GRIN2A: variants seen among roughly 807,000 people sequenced by gnomAD.
GRIN2A encodes the protein glutamate ionotropic receptor NMDA type subunit 2A.
In GRIN2A, 22 loss-of-function variants were observed where a neutral mutation model predicts 113.4. That is an observed-to-expected ratio of 0.19 (90% CI 0.14 to 0.28). The LOEUF is 0.28. Among genes scored for constraint, GRIN2A ranks in the 10% least tolerant of loss-of-function variants. The probability of loss-of-function intolerance (pLI) is 1.00; values close to 1 mark genes in which losing one functional copy is unlikely to be tolerated. For missense variants in GRIN2A, 1,502 were observed against 1,887.0 expected, an observed-to-expected ratio of 0.80 and a Z score of 3.78; for synonymous variants, 827 against 738.4, an observed-to-expected ratio of 1.12 and a Z score of -1.94.
At chr16:10,033,058 C>A (rs2046959066) in intron 2 of GRIN2A, among the ~76,000 whole-genome samples, 1 of 152,168 alleles carries the variant, frequency 6.6e-6, no homozygotes, top group African/African-American at 2.4e-5. Flanking sequence ...GTTTGCCCTG[C>A]ATTCCTGGGC....
chr16:9,796,706 G>A (rs1903010349), intron 11 of GRIN2A, among the ~76,000 whole-genome samples: 1 of 152,226 alleles, frequency 6.6e-6, no homozygotes, highest in Non-Finnish European at 1.5e-5. Context: ...AGAAACACGT[G>A]TGGAGCAGAG....
At chr16:10,163,930 G>T (rs937386253) in intron 2 of GRIN2A, among the ~76,000 whole-genome samples, 2 of 152,176 alleles carry the variant, frequency 1.3e-5, no homozygotes, top group African/African-American at 4.8e-5. Flanking sequence ...TGGTTATAGA[G>T]AATAGCCACA....
rs1900392475 is a variant in GRIN2A at position 9,757,379 on chromosome 16, AG to A, written c.*5769del. On this transcript the variant is annotated 3_prime_UTR_variant, in exon 13 of 13. Coordinates refer to ENST00000330684, the MANE Select transcript of GRIN2A (RefSeq NM_001134407.3). The stretch of plus-strand genomic sequence containing the variant: ...AGGACTTTTTTTTTTTTTTTAAAAA[AG>A]GTATGCTCATAGAATCAGATTATTT... The A allele has an allele frequency of 4.4e-6, 1 of 224,792 alleles. No individual in the cohort carries two copies. Among genetic ancestry groups the A allele is most frequent in the Non-Finnish European group, 8.8e-6 (1 of 113,034 alleles). The allele number at this position is 224,792 out of a possible 1,614,324, so 13.9% of individuals were successfully genotyped here.
At chr16:9,913,512 T>A (rs2044184611) in intron 3 of GRIN2A, among the ~76,000 whole-genome samples, 1 of 152,198 alleles carries the variant, frequency 6.6e-6, no homozygotes, top group Non-Finnish European at 1.5e-5. Flanking sequence ...TATATAGAAA[T>A]AATTAATAAT....
intron 2 of GRIN2A, among the ~76,000 whole-genome samples, chr16:9,962,561 A>T (rs1488356081): frequency 6.6e-6 from 1 of 152,152 alleles, no homozygotes; most frequent in African/African-American, 2.4e-5. Flanking sequence ...AACCACAATG[A>T]GATACCATCT....
chr16:10,051,307 A>C (rs549168155), intron 2 of GRIN2A, among the ~76,000 whole-genome samples: 126 of 152,282 alleles, frequency 8.3e-4, no homozygotes, highest in Middle Eastern at 6.8e-3. Flanking sequence ...CAGTTGTAAA[A>C]GTGCACAGAC....
At position 9,954,662 on chromosome 16, in the gene GRIN2A, G is replaced by A. The variant is rs192034839; in HGVS notation, c.415-16111C>T. Among the ~76,000 whole-genome samples the A allele has an allele frequency of 1.4e-4, 22 of 152,184 alleles. No individual in the cohort carries two copies. The South Asian group carries it at 3.5e-3, about 24-fold the overall frequency. On this transcript the variant is annotated intron_variant, in intron 2 of 12. Coordinates refer to ENST00000330684, the MANE Select transcript of GRIN2A (RefSeq NM_001134407.3). ...TCTCTCCATTTTTCAATCCCTTGCC[G>A]AGCAAAATTTTCAGGCCACAAATTA...
chr16:10,030,949 C>T (rs533710608), intron 2 of GRIN2A, among the ~76,000 whole-genome samples: 24 of 152,274 alleles, frequency 1.6e-4, no homozygotes, highest in African/African-American at 5.8e-4. Context: ...TTTGGTATGT[C>T]TCATGCACCA....
intron 3 of GRIN2A, among the ~76,000 whole-genome samples, chr16:9,900,333 T>A (rs992576722): frequency 6.6e-6 from 1 of 152,202 alleles, no homozygotes; most frequent in Non-Finnish European, 1.5e-5. Flanking sequence ...TACTGGTAGA[T>A]GAAGCTTCTA....
At chr16:9,772,539 T>G (rs1423005728) in intron 11 of GRIN2A, among the ~76,000 whole-genome samples, 3 of 152,130 alleles carry the variant, frequency 2.0e-5, no homozygotes, top group Non-Finnish European at 2.9e-5. Flanking sequence ...GCTGTGCTAA[T>G]TTTTTGTATT....
intron 2 of GRIN2A, among the ~76,000 whole-genome samples, chr16:10,012,138 G>A (rs1439930790): frequency 6.6e-6 from 1 of 152,128 alleles, no homozygotes; most frequent in African/African-American, 2.4e-5. Flanking sequence ...TTTACAATCT[G>A]AAATGTTTTC....
chr16:10,096,593 A>G (rs1375883187), intron 2 of GRIN2A, among the ~76,000 whole-genome samples: 1 of 133,018 alleles, frequency 7.5e-6, no homozygotes, highest in East Asian at 2.1e-4. Flanking sequence ...TTGGCCGGTC[A>G]GCATAGACTT....
At chr16:9,924,795 C>A (rs907909386) in intron 3 of GRIN2A, among the ~76,000 whole-genome samples, 1 of 152,036 alleles carries the variant, frequency 6.6e-6, no homozygotes. Context: ...AATGTCAAAC[C>A]TGCCATTAAT....
At position 10,180,340 on chromosome 16, in the gene GRIN2A, G is replaced by A. The variant is rs781722466; in HGVS notation, c.72C>T (p.Ser24=). ...ALLVWRGPAP[S]AAAEKGPPAL... ...CGGGGGGACCCTTCTCCGCCGCCGC[G>A]CTCGGCGCCGGACCGCGCCAGACCA... Residue 24 remains serine (S), a synonymous_variant, in exon 2 of 13, where the codon AGC becomes AGT. Transcript: ENST00000330684. This position sits in a 1 kb window ranked among gnomAD's most constrained non-coding sequence, Gnocchi z 7.0. The A allele has an allele frequency of 6.2e-7, 1 of 1,608,672 alleles. No homozygotes were observed.
intron 12 of GRIN2A, among the ~76,000 whole-genome samples, chr16:9,765,902 C>T (rs1273192626): frequency 6.6e-6 from 1 of 152,192 alleles, no homozygotes; most frequent in Non-Finnish European, 1.5e-5. Context: ...CAAGCACCTC[C>T]ATCTATATGT....
At chr16:9,834,634 G>A (rs1201226265) in intron 7 of GRIN2A, among the ~76,000 whole-genome samples, 2 of 152,044 alleles carry the variant, frequency 1.3e-5, no homozygotes, top group Non-Finnish European at 2.9e-5. Flanking sequence ...TGCCCACCTC[G>A]GCCTCCCAAA....
Position 9,924,139 on chromosome 16 carries a change from A to C in GRIN2A, c.1007+13820T>G, listed in dbSNP as rs941394517. Among the ~76,000 whole-genome samples the C allele has an allele frequency of 1.3e-3, 194 of 150,552 alleles. 2 individuals carry two copies. Among genetic ancestry groups the C allele is most frequent in the South Asian group, 2.3e-3 (11 of 4,804 alleles). On this transcript the variant is annotated intron_variant, in intron 3 of 12. Coordinates refer to ENST00000330684, the MANE Select transcript of GRIN2A (RefSeq NM_001134407.3). ...AAAAAAAAAAAAAAAAAAAAAAAAA[A>C]CAAAAACCTCATGCGTTTAACAATC...
intron 2 of GRIN2A, among the ~76,000 whole-genome samples, chr16:10,082,037 C>G (rs2047995210): frequency 6.6e-6 from 1 of 152,158 alleles, no homozygotes; most frequent in Non-Finnish European, 1.5e-5. Context: ...TTTTATCCAA[C>G]AGAGAAATCA....
intron 3 of GRIN2A, among the ~76,000 whole-genome samples, chr16:9,929,406 A>T (rs1335376313): frequency 1.3e-5 from 2 of 152,214 alleles, no homozygotes; most frequent in Non-Finnish European, 2.9e-5. Flanking sequence ...ACTCAGCTAT[A>T]CAAGAGGAAA....
Sources: gnomAD v4.1 joint callset for allele counts (sites outside exome capture counted in the v4.1 genomes callset) on GRCh38, gnomAD v4.1.1 for gene constraint, Gnocchi (gnomAD v3.1) non-coding constraint, MANE v1.5 for transcripts, NCBI Gene and HGNC (gene_info 2026-07-23, HGNC 2026-07-21) for gene names.